The following SHPRH variants were observed in gnomAD, a reference collection of about 807,000 sequenced individuals.
The protein encoded by SHPRH is E3 ubiquitin-protein ligase SHPRH.
In SHPRH, 106 loss-of-function variants were observed where a neutral mutation model predicts 202.5. That is an observed-to-expected ratio of 0.52 (90% CI 0.45 to 0.62). The LOEUF (loss-of-function observed/expected upper bound fraction) is 0.62, where lower values mean the gene tolerates loss of function less well. Ranked by LOEUF, SHPRH falls within the 20% of genes least tolerant of loss-of-function variation. The pLI, the probability that SHPRH is intolerant of heterozygous loss-of-function variation, is 0.00. For missense variants in SHPRH, 1,710 were observed against 2,020.0 expected (o/e 0.85, Z 2.94); for synonymous variants, 729 against 686.0 (o/e 1.06, Z -0.98).
intron 3 of SHPRH, chr6:145,952,036 C>T (rs907757921): frequency 4.4e-5 from 17 of 385,866 alleles, no homozygotes; most frequent in Non-Finnish European, 8.7e-5. Context: ...AATTTCTGGC[C>T]CATGACAAAA....
chr6:145,893,427 G>T, intron 27 of SHPRH, 34 bp from the exon 28 acceptor site: 3 of 1,532,570 alleles, frequency 2.0e-6, no homozygotes, highest in South Asian at 1.3e-5. Context: ...ATTTTAGCTC[G>T]ATCAGTTAAA....
rs1291492611 is a variant in SHPRH at position 145,943,132 on chromosome 6, A to C, written c.2238+11T>G. The C allele has an allele frequency of 6.4e-7, 1 of 1,562,720 alleles. No homozygotes were observed. The highest frequency in any genetic ancestry group is 8.7e-7 in the Non-Finnish European group (1 of 1,154,400). ...CATTTTCCTCTCCCTCTTTAGTCCA[A>C]GTGGCCTTACCAAGACTCGAAGAGA... On this transcript the variant is annotated intron_variant, in intron 9 of 29. Transcript: ENST00000275233.
intron 4 of SHPRH, among the ~76,000 whole-genome samples, chr6:145,949,597 G>A (rs1339659368): frequency 6.6e-6 from 1 of 151,854 alleles, no homozygotes; most frequent in Admixed American, 6.6e-5. Context: ...GGGAAGTGAG[G>A]GATGAAAAAT....
chr6:145,911,283 C>T (rs951022400), intron 24 of SHPRH, among the ~76,000 whole-genome samples: 7 of 152,028 alleles, frequency 4.6e-5, no homozygotes, highest in African/African-American at 1.7e-4. Flanking sequence ...ATTACAAGCA[C>T]CTGCTGCCAC....
Position 145,954,921 on chromosome 6 carries a change from G to A in SHPRH, c.402C>T (p.Ser134=), listed in dbSNP as rs143739402. The A allele has an allele frequency of 1.0e-4, 165 of 1,613,520 alleles. No homozygotes were observed. The African/African-American group carries it at 1.7e-3, about 16-fold the overall frequency. ...AACTCATCAATGTAATACTCCTTTCGGAAAAATTTTCAATTAAACTCTGTG... is the reference window on the plus strand; with the variant it reads ...AACTCATCAATGTAATACTCCTTTCAGAAAAATTTTCAATTAAACTCTGTG... ...LPAQSLIENF[S]ERSITLMSSE... Residue 134 remains serine, a synonymous_variant, in exon 2 of 30, where the codon TCC becomes TCT. Transcript: ENST00000275233.
chr6:145,919,352 T>C lies in SHPRH; in HGVS notation c.4148A>G (p.His1383Arg). ...NPPVLHIIEPHEVEQNRIKLL... is the reference protein window; with the variant it reads ...NPPVLHIIEPREVEQNRIKLL... ...TGTGATTTACTTGCCAATTACCTCATGTGGTTCAATGATATGAAGAACAGG... is the reference window on the plus strand; with the variant it reads ...TGTGATTTACTTGCCAATTACCTCACGTGGTTCAATGATATGAAGAACAGG... Residue 1383 changes from histidine (H) to arginine (R), a missense_variant, in exon 22 of 30, where the codon CAT (histidine) becomes CGT (arginine). Around this residue, in one of 8 missense-constraint regions of SHPRH, gnomAD observed 306 missense variants for 479.5 expected, o/e 0.64. Transcript: ENST00000275233. 6.2e-7 allele frequency: 1 copy of C among 1,612,816 alleles called. No homozygotes were observed. The highest frequency in any genetic ancestry group is 8.5e-7 in the Non-Finnish European group (1 of 1,179,168).
chr6:145,919,981 G>T (rs1395182664), intron 21 of SHPRH, among the ~76,000 whole-genome samples: 1 of 151,784 alleles, frequency 6.6e-6, no homozygotes, highest in Non-Finnish European at 1.5e-5. Context: ...CCCAACCATG[G>T]GGCAACCACT....
intron 23 of SHPRH, chr6:145,917,419 A>G (rs1215019073): frequency 6.6e-6 from 1 of 152,248 alleles, no homozygotes; most frequent in East Asian, 1.9e-4. Flanking sequence ...TCGCCATGCT[A>G]TATCTATAAT....
chr6:145,913,369 C>T, intron 24 of SHPRH, 109 bp downstream of exon 24: 1 of 939,926 alleles, frequency 1.1e-6, no homozygotes. Flanking sequence ...GTAATACTTG[C>T]CTTTCATAGA....
chr6:145,959,467 G>A (rs1404763781), intron 1 of SHPRH, among the ~76,000 whole-genome samples: 2 of 152,108 alleles, frequency 1.3e-5, no homozygotes, highest in Admixed American at 1.3e-4. Flanking sequence ...TAGAGCCTAG[G>A]TGTGTAGTAG....
At chr6:145,902,928 T>G (rs1782627994) in intron 25 of SHPRH, among the ~76,000 whole-genome samples, 1 of 152,090 alleles carries the variant, frequency 6.6e-6, no homozygotes, top group South Asian at 2.1e-4. Context: ...AAGTTTTAGT[T>G]TATATCTTAG....
At chr6:145,934,160 G>A (rs994214446) in intron 13 of SHPRH, among the ~76,000 whole-genome samples, 1 of 151,884 alleles carries the variant, frequency 6.6e-6, no homozygotes, top group Non-Finnish European at 1.5e-5. Flanking sequence ...GCAACATAGC[G>A]AGGCCCTGTC....
chr6:145,872,270 G>T (rs565784217), intron 2 of SHPRH, among the ~76,000 whole-genome samples: 1 of 152,006 alleles, frequency 6.6e-6, no homozygotes, highest in Non-Finnish European at 1.5e-5. Flanking sequence ...CCTACAGAAC[G>T]GGCGAAAATT....
chr6:145,921,962 T>G (rs781185284), intron 20 of SHPRH, among the ~76,000 whole-genome samples: 2 of 152,014 alleles, frequency 1.3e-5, no homozygotes, highest in Non-Finnish European at 2.9e-5. Flanking sequence ...ACATTATGAG[T>G]TCTACCTTGA....
intron 24 of SHPRH, among the ~76,000 whole-genome samples, chr6:145,911,556 A>G (rs899524099): frequency 1.3e-5 from 2 of 152,216 alleles, no homozygotes; most frequent in Admixed American, 1.3e-4. Flanking sequence ...GATTTAGTCT[A>G]GGTGTAAGTT....
At chr6:145,926,153 T>A (rs541422611) in intron 16 of SHPRH, 51 bp downstream of exon 16, 653 of 1,491,310 alleles carry the variant, frequency 4.4e-4, no homozygotes, top group Non-Finnish European at 5.9e-4. Flanking sequence ...ATATGGAGCA[T>A]AAAGTTTGAA....
At position 145,935,090 on chromosome 6, in the gene SHPRH, C is replaced by T. The variant is rs1254017006; in HGVS notation, c.2807G>A (p.Arg936His). The change falls in exon 13 of 30, where the codon CGT becomes CAT. Residue 936 changes from arginine to histidine, a missense_variant. Physicochemically the swap from Arg to His is conservative, Grantham distance 29. Transcript: ENST00000275233. ...ATCCTGGCAGCACACCTCATGCTGA[C>T]GGTGATAGAAATGCCTTTCCACTGG... is the stretch of plus-strand genomic sequence containing the variant. ...FSPVERHFYH[R>H]QHEVCCQDVV... The T allele has an allele frequency of 3.1e-6, 5 of 1,612,740 alleles. No homozygotes were observed. Among genetic ancestry groups the T allele is most frequent in the Admixed American group, 1.7e-5 (1 of 59,822 alleles).
At chr6:145,906,702 C>CA (rs1782992665) in intron 25 of SHPRH, 1 of 151,622 alleles carries the variant, frequency 6.6e-6, no homozygotes, top group Non-Finnish European at 1.5e-5. Context: ...GATTCTATCT[C>CA]ACAGTTAAGT....
Position 145,945,543 on chromosome 6 carries a change from A to G in SHPRH, c.1416T>C (p.Tyr472=). ...TCCTGTTCCGTTGAACATCGTATCT[A>G]TATATAGAACTGACATACTTATAGA... ...LSIYKYVSSI[Y]RYDVQRNRSL... Residue 472 remains tyrosine, a synonymous_variant, in exon 8 of 30, where the codon TAT becomes TAC. Coordinates refer to ENST00000275233, the MANE Select transcript of SHPRH (RefSeq NM_001042683.3). 1 of 1,613,238 alleles carries G rather than the reference A, an allele frequency of 6.2e-7. No individual in the cohort carries two copies. Among genetic ancestry groups the G allele is most frequent in the South Asian group, 1.1e-5 (1 of 91,058 alleles).
Sources: allele counts gnomAD v4.1 joint callset (sites outside exome capture counted in the v4.1 genomes callset), GRCh38; gene constraint gnomAD v4.1.1; regional missense constraint gnomAD v4.1.1; transcripts MANE v1.5; gene names NCBI Gene and HGNC (gene_info 2026-07-23, HGNC 2026-07-21).